Variants in URM1 observed in about 807,000 individuals in gnomAD.
URM1 encodes the protein ubiquitin related modifier 1.
Under a neutral mutation model 17.7 loss-of-function variants are expected in URM1, and 11 were observed. The ratio of observed to expected loss-of-function variants is 0.62; its 90% CI spans 0.39 to 1.03. The LOEUF (loss-of-function observed/expected upper bound fraction) is 1.03. Among genes scored for constraint, URM1 ranks in the 50% least tolerant of loss-of-function variants. URM1 has a pLI of 0.00. For synonymous variants in URM1, 48 were observed against 50.6 expected, an observed-to-expected ratio of 0.95 and a Z score of 0.22; for missense variants, 128 against 129.2, an observed-to-expected ratio of 0.99 and a Z score of 0.04.
At chr9:128,379,841 A>G (rs543332895) in intron 2 of URM1, among the ~76,000 whole-genome samples, 2 of 151,664 alleles carry the variant, frequency 1.3e-5, no homozygotes, top group Non-Finnish European at 2.9e-5. Flanking sequence ...AACCAGGCAC[A>G]GTGGCTCATG....
chr9:128,380,116 G>GA (rs145643872), intron 2 of URM1, among the ~76,000 whole-genome samples: 22 of 144,292 alleles, frequency 1.5e-4, no homozygotes, highest in African/African-American at 2.3e-4. Context: ...TGTCTCAAAA[G>GA]AAAAAAAAAA....
intron 2 of URM1, among the ~76,000 whole-genome samples, chr9:128,384,743 C>A (rs1259979773): frequency 2.0e-5 from 3 of 152,112 alleles, no homozygotes; most frequent in African/African-American, 7.2e-5. Context: ...TGATCCCCCA[C>A]AATGACCCTA....
At chr9:128,379,014 G>A (rs1833120484) in intron 2 of URM1, among the ~76,000 whole-genome samples, 1 of 151,870 alleles carries the variant, frequency 6.6e-6, no homozygotes, top group Admixed American at 6.6e-5. Context: ...GGATAGCCTA[G>A]GGGCTGGGGA....
chr9:128,381,906 C>T (rs1431378312), intron 2 of URM1, among the ~76,000 whole-genome samples: 7 of 152,200 alleles, frequency 4.6e-5, no homozygotes, highest in Admixed American at 1.3e-4. Context: ...CCAGTTTTTA[C>T]GCTTTCCTTC....
Position 128,371,432 on chromosome 9 carries a change from G to A in URM1, c.35+17G>A. On this transcript the variant is annotated intron_variant, in intron 1 of 4. Coordinates refer to ENST00000372853, the MANE Select transcript of URM1 (RefSeq NM_030914.4). The stretch of plus-strand genomic sequence containing the variant: ...GGAGTTCGGGTGAGTCACAGAGCTG[G>A]GGCGCCGTGGGGATGGATTGAAGTC... 1 of 1,611,102 alleles carries A rather than the reference G, an allele frequency of 6.2e-7. No homozygotes were observed. The highest frequency in any genetic ancestry group is 8.5e-7 in the Non-Finnish European group (1 of 1,178,120).
At chr9:128,388,294 A>G (rs1256326774) in intron 3 of URM1, 1 of 1,061,846 alleles carries the variant, frequency 9.4e-7, no homozygotes, top group South Asian at 3.3e-5. Context: ...AAATAGCCAC[A>G]TGCAGCTAGT....
chr9:128,388,834 C>T (rs775286811), intron 3 of URM1: 11 of 995,314 alleles, frequency 1.1e-5, no homozygotes, highest in South Asian at 4.7e-5. Flanking sequence ...TTTTCCAGGG[C>T]TAACGAGAAT....
Position 128,387,761 on chromosome 9 carries a change from G to A in URM1, c.107-55G>A. 1 of 1,611,348 alleles carries A rather than the reference G, an allele frequency of 6.2e-7. No homozygotes were observed. Among genetic ancestry groups the A allele is most frequent in the East Asian group, 2.2e-5 (1 of 44,814 alleles). ...TTGTGGGCCAGGCAAGGCTCTGGGG[G>A]TGGGCAGGTGCTATTTGGGTTTGAC... On this transcript the variant is annotated intron_variant, in intron 2 of 4. Coordinates refer to ENST00000372853, the MANE Select transcript of URM1 (RefSeq NM_030914.4). This position sits in a 1 kb window ranked among gnomAD's most constrained non-coding sequence, Gnocchi z 4.3.
intron 2 of URM1, among the ~76,000 whole-genome samples, chr9:128,384,663 G>A (rs1173836431): frequency 2.0e-5 from 3 of 152,134 alleles, no homozygotes; most frequent in Non-Finnish European, 4.4e-5. Context: ...TTCTTCCTCT[G>A]GATCCTGGAG....
intron 1 of URM1, among the ~76,000 whole-genome samples, chr9:128,375,970 A>G: frequency 6.6e-6 from 1 of 152,176 alleles, no homozygotes; most frequent in Non-Finnish European, 1.5e-5. Flanking sequence ...CGGCAGCTCC[A>G]AAGGCTGTGT....
At chr9:128,385,719 G>C (rs1233545707) in intron 2 of URM1, among the ~76,000 whole-genome samples, 4 of 152,188 alleles carry the variant, frequency 2.6e-5, no homozygotes. Context: ...CTGGGGGTGT[G>C]TTTCAGGCCA....
intron 1 of URM1, among the ~76,000 whole-genome samples, chr9:128,372,321 G>A (rs1374153071): frequency 2.7e-5 from 4 of 150,336 alleles, no homozygotes; most frequent in Non-Finnish European, 5.9e-5. Context: ...CTGTGTGTGT[G>A]TAGATAAGCC....
chr9:128,388,109 A>C, intron 3 of URM1: 1 of 1,329,694 alleles, frequency 7.5e-7, no homozygotes, highest in Non-Finnish European at 9.6e-7. Flanking sequence ...AGCCTGGTGA[A>C]TTTCTCAGAA....
chr9:128,390,155 GC>G lies in URM1; in HGVS notation c.*425del. On this transcript the variant is annotated 3_prime_UTR_variant, in exon 5 of 5. Coordinates refer to ENST00000372853, the MANE Select transcript of URM1 (RefSeq NM_030914.4). ...AATGGACCTGAGTAGCTGAAGGAAG[GC>G]CCCTCCCTACCCAAAGACTGGAGGC... 5.1e-6 allele frequency: 1 copy of G among 197,840 alleles called. No individual in the cohort carries two copies. The highest frequency in any genetic ancestry group is 1.0e-5 in the Non-Finnish European group (1 of 97,640). 12.3% of individuals were successfully genotyped at this position (197,840 alleles called of 1,614,324 possible). A position where few individuals can be genotyped will look rare whatever the true frequency, so the allele number is the denominator to read the frequency against.
Position 128,388,102 on chromosome 9 carries a change from C to G in URM1, c.188+205C>G, listed in dbSNP as rs2131301122. Reference sequence around the variant, plus strand: ...TTTTTAAATCCCAGATGAAAGGAGCCTGGTGAATTTCTCAGAAAACTTGGA... The same window carrying G: ...TTTTTAAATCCCAGATGAAAGGAGCGTGGTGAATTTCTCAGAAAACTTGGA... On this transcript the variant is annotated intron_variant, in intron 3 of 4. Coordinates refer to ENST00000372853, the MANE Select transcript of URM1 (RefSeq NM_030914.4). The G allele has an allele frequency of 2.2e-6, 3 of 1,333,958 alleles. No individual in the cohort carries two copies. In the African/African-American group the frequency reaches 4.4e-5, roughly 20 times the overall value. The allele number at this position is 1,333,958 out of a possible 1,614,324, so 82.6% of individuals were successfully genotyped here.
intron 2 of URM1, among the ~76,000 whole-genome samples, chr9:128,383,212 C>G (rs997451413): frequency 2.0e-5 from 3 of 152,126 alleles, no homozygotes; most frequent in Admixed American, 1.3e-4. Context: ...TGCAAAATTG[C>G]TTTTGAAAAG....
At chr9:128,383,891 C>T (rs772509418) in intron 2 of URM1, among the ~76,000 whole-genome samples, 3 of 152,184 alleles carry the variant, frequency 2.0e-5, no homozygotes, top group Non-Finnish European at 4.4e-5. Context: ...TGCGTCGGTG[C>T]TCTCCACAGT....
intron 2 of URM1, among the ~76,000 whole-genome samples, chr9:128,381,896 C>A (rs1833164242): frequency 6.6e-6 from 1 of 152,214 alleles, no homozygotes; most frequent in African/African-American, 2.4e-5. Flanking sequence ...CTTACATTTT[C>A]CAGTTTTTAC....
intron 2 of URM1, among the ~76,000 whole-genome samples, chr9:128,384,990 T>G (rs1833207770): frequency 6.6e-6 from 1 of 152,162 alleles, no homozygotes; most frequent in Non-Finnish European, 1.5e-5. Context: ...ATTCAAGTGT[T>G]GAGTCAGAGA....
Sources: gnomAD v4.1 joint callset for allele counts (sites outside exome capture counted in the v4.1 genomes callset) on GRCh38, gnomAD v4.1.1 for gene constraint, Gnocchi (gnomAD v3.1) non-coding constraint, MANE v1.5 for transcripts, NCBI Gene and HGNC (gene_info 2026-07-23, HGNC 2026-07-21) for gene names.